Variants in VPS33A observed in about 807,000 individuals in gnomAD.
VPS33A encodes the protein VPS33A core subunit of CORVET and HOPS complexes.
In VPS33A, 32 loss-of-function variants were observed where a neutral mutation model predicts 71.8. The ratio of observed to expected loss-of-function variants is 0.45; its 90% CI spans 0.34 to 0.60. The LOEUF (loss-of-function observed/expected upper bound fraction) is 0.60. Ranked by LOEUF, VPS33A falls within the 20% of genes least tolerant of loss-of-function variation. VPS33A has a pLI of 0.02. For missense variants in VPS33A, 625 were observed against 748.5 expected (o/e 0.84, Z 1.92); for synonymous variants, 311 against 292.7 (o/e 1.06, Z -0.64).
rs1954539344 is a variant in VPS33A, at chr12:122,230,058, T to C, written c.*2188A>G. ...TGATGACTGCCTGAGGTGGAAGGTA[T>C]AAACTAATCTCCCTGGGATATAACA... is the stretch of plus-strand genomic sequence containing the variant. On this transcript the variant is annotated 3_prime_UTR_variant, in exon 13 of 13. Transcript: ENST00000267199. 6.6e-6 allele frequency: 1 copy of C among 152,206 alleles called. No homozygotes were observed. The highest frequency in any genetic ancestry group is 6.5e-5 in the Admixed American group (1 of 15,270). The allele number at this position is 152,206 out of a possible 1,614,324, so 9.4% of individuals were successfully genotyped here.
rs754869301 is a variant in VPS33A at position 122,235,769 on chromosome 12, G to A, written c.1440+17C>T. The A allele has an allele frequency of 1.2e-6, 2 of 1,604,812 alleles. No homozygotes were observed. Among genetic ancestry groups the A allele is most frequent in the African/African-American group, 1.3e-5 (1 of 74,818 alleles). ...ACCAGTCCCTAAGCTGAGACGAGGT[G>A]GAGAAGTGTGGCTTACTTGCTCATT... On this transcript the variant is annotated intron_variant, in intron 11 of 12. Transcript: ENST00000267199.
intron 6 of VPS33A, among the ~76,000 whole-genome samples, chr12:122,245,694 C>A (rs1954768164): frequency 6.6e-6 from 1 of 152,184 alleles, no homozygotes; most frequent in Admixed American, 6.6e-5. Flanking sequence ...GAGCCACCCT[C>A]CTGGGCCTCC....
intron 11 of VPS33A, among the ~76,000 whole-genome samples, chr12:122,235,407 GGCAC>G (rs1287986089): frequency 6.6e-6 from 1 of 151,942 alleles, no homozygotes; most frequent in African/African-American, 2.4e-5. Context: ...TGGGATTACA[GGCAC>G]GCACCACAAT....
At position 122,234,651 on chromosome 12, in the gene VPS33A, C is replaced by T. The variant is rs918437825; in HGVS notation, c.1440+1135G>A. 2.6e-5 allele frequency among the ~76,000 whole-genome samples: 4 copies of T among 152,172 alleles called. No individual in the cohort carries two copies. In the South Asian group the frequency reaches 8.3e-4, roughly 32 times the overall value. ...ACTGACTCCTCTAGACACTCTCCAC[C>T]CTTCTCCGCAATGCTCTGTGCCCGG... On this transcript the variant is annotated intron_variant, in intron 11 of 12. Transcript: ENST00000267199.
intron 2 of VPS33A, among the ~76,000 whole-genome samples, 161 bp from the exon 3 acceptor site, chr12:122,263,860 T>C (rs2136154338): frequency 6.6e-6 from 1 of 152,278 alleles, no homozygotes; most frequent in South Asian, 2.1e-4. Context: ...AAAGTTTCAG[T>C]AGAAAGCCAC....
chr12:122,266,415 C>G lies in VPS33A; in HGVS notation c.-7G>C. 1 of 1,607,032 alleles carries G rather than the reference C, an allele frequency of 6.2e-7. No homozygotes were observed. The highest frequency in any genetic ancestry group is 8.5e-7 in the Non-Finnish European group (1 of 1,175,050). ...AGGACAGATGAGCCGCCATCTTGCTCCACCACCCCCTGCCCCACAACGCCA... is the reference window on the plus strand; with the variant it reads ...AGGACAGATGAGCCGCCATCTTGCTGCACCACCCCCTGCCCCACAACGCCA... On this transcript the variant is annotated 5_prime_UTR_variant, in exon 1 of 13. Transcript: ENST00000267199.
rs764065493 is a variant in VPS33A, at chr12:122,251,107, G to A, written c.484-8C>T. On this transcript the variant is annotated splice_polypyrimidine_tract_variant and splice_region_variant and intron_variant, in intron 4 of 12. Coordinates refer to ENST00000267199, the MANE Select transcript of VPS33A (RefSeq NM_022916.6). Reference sequence around the variant, plus strand: ...ACCCTCCAGGTAGCACTCCTGTGAGGGAAAAGGCCAATTATTGCCAGGCCA... The same window carrying A: ...ACCCTCCAGGTAGCACTCCTGTGAGAGAAAAGGCCAATTATTGCCAGGCCA... The A allele has an allele frequency of 1.2e-6, 2 of 1,608,666 alleles. No homozygotes were observed. The highest frequency in any genetic ancestry group is 2.7e-5 in the African/African-American group (2 of 74,838).
chr12:122,239,627 G>C (rs754009989), intron 9 of VPS33A, among the ~76,000 whole-genome samples: 1 of 151,750 alleles, frequency 6.6e-6, no homozygotes, highest in Non-Finnish European at 1.5e-5. Flanking sequence ...CCAGCTACTC[G>C]GGAGGCTGAG....
intron 7 of VPS33A, among the ~76,000 whole-genome samples, chr12:122,244,223 A>T (rs562213916): frequency 6.6e-5 from 10 of 152,288 alleles, no homozygotes; most frequent in Non-Finnish European, 4.4e-5. Context: ...CACAAGTTCT[A>T]TTATAGAGGA....
At chr12:122,253,907 G>GA (rs1362726807) in intron 4 of VPS33A, among the ~76,000 whole-genome samples, 1 of 151,932 alleles carries the variant, frequency 6.6e-6, no homozygotes, top group East Asian at 1.9e-4. Flanking sequence ...CCACGTTGCC[G>GA]AGGCTGGTCT....
At chr12:122,245,984 G>A (rs569691029) in intron 6 of VPS33A, among the ~76,000 whole-genome samples, 3 of 152,264 alleles carry the variant, frequency 2.0e-5, no homozygotes, top group Admixed American at 6.5e-5. Flanking sequence ...CTTCCTCTGC[G>A]AAGTAGCCTT....
chr12:122,237,563 G>A (rs1012578743), intron 10 of VPS33A, among the ~76,000 whole-genome samples: 1 of 136,528 alleles, frequency 7.3e-6, no homozygotes, highest in Non-Finnish European at 1.5e-5. Flanking sequence ...TTGAGACGGA[G>A]TCTCGCTCTG....
Position 122,244,128 on chromosome 12 carries a change from G to C in VPS33A, c.969+441C>G, listed in dbSNP as rs545798750. Reference sequence around the variant, plus strand: ...AATTTCAAAGCTCGGGGTTGCTGGGGATTTCAGTCTCATTATCACCTGCCA... The same window carrying C: ...AATTTCAAAGCTCGGGGTTGCTGGGCATTTCAGTCTCATTATCACCTGCCA... On this transcript the variant is annotated intron_variant, in intron 7 of 12. Transcript: ENST00000267199. Among the ~76,000 whole-genome samples the C allele has an allele frequency of 2.6e-5, 4 of 152,244 alleles. No individual in the cohort carries two copies. In the South Asian group the frequency reaches 8.3e-4, roughly 32 times the overall value.
chr12:122,257,015 A>G (rs1954928159), intron 4 of VPS33A, among the ~76,000 whole-genome samples: 3 of 152,290 alleles, frequency 2.0e-5, no homozygotes, highest in Middle Eastern at 6.8e-3. Context: ...TACTTGTACA[A>G]AAGTGGGGAG....
intron 2 of VPS33A, 96 bp downstream of exon 2, chr12:122,264,038 G>T: frequency 8.8e-7 from 1 of 1,133,012 alleles, no homozygotes; most frequent in Non-Finnish European, 1.2e-6. Flanking sequence ...AAACAGCTTT[G>T]CAAACCAATG....
rs779315624 is a variant in VPS33A at position 122,261,346 on chromosome 12, G to A, written c.398C>T (p.Ser133Phe). The change falls in exon 4 of 13, where the codon TCC (serine) becomes TTC (phenylalanine). Residue 133 changes from serine to phenylalanine, a missense_variant. Physicochemically the swap from Ser to Phe is radical, Grantham distance 155. Coordinates refer to ENST00000267199, the MANE Select transcript of VPS33A (RefSeq NM_022916.6). The part of the protein sequence containing the change: ...QRLKDLGVLG[S>F]FIHREEYSLD... ...GCTGTACTCCTCCCTGTGAATAAAG[G>A]ATCCCAAGACACCCAGATCCTTCAA... 1.2e-6 allele frequency: 2 copies of A among 1,613,934 alleles called. No individual in the cohort carries two copies. The highest frequency in any genetic ancestry group is 1.7e-6 in the Non-Finnish European group (2 of 1,179,974).
In VPS33A at chr12:122,232,788, A is replaced by G. The variant is rs756081838; in HGVS notation, c.1609+12T>C. The G allele has an allele frequency of 6.2e-7, 1 of 1,607,992 alleles. No homozygotes were observed. Among genetic ancestry groups the G allele is most frequent in the African/African-American group, 1.3e-5 (1 of 74,764 alleles). ...GTACATAATTATCTGTAGATGCTGG[A>G]CTGGGACTTACGTTTCTTCTGCAGT... On this transcript the variant is annotated intron_variant, in intron 12 of 12. Transcript: ENST00000267199.
chr12:122,244,885 C>T (rs1240982113), intron 6 of VPS33A, 123 bp from the exon 7 acceptor site: 1 of 898,908 alleles, frequency 1.1e-6, no homozygotes, highest in African/African-American at 1.7e-5. Context: ...CGACACATAG[C>T]TCTGAGCTTT....
rs371038955 is a variant in VPS33A, at chr12:122,249,853, C to G, written c.775+18G>C. 1.9e-6 allele frequency: 3 copies of G among 1,600,680 alleles called. No individual in the cohort carries two copies. The highest frequency in any genetic ancestry group is 2.2e-5 in the East Asian group (1 of 44,606). ...TTCTCATATTACCTATTAGTGAAAA[C>G]AGATGTCATGTACTTACTGTTCTGA... On this transcript the variant is annotated intron_variant, in intron 6 of 12. Coordinates refer to ENST00000267199, the MANE Select transcript of VPS33A (RefSeq NM_022916.6).
Sources: gnomAD v4.1 joint callset for allele counts (sites outside exome capture counted in the v4.1 genomes callset) on GRCh38, gnomAD v4.1.1 for gene constraint, MANE v1.5 for transcripts, NCBI Gene and HGNC (gene_info 2026-07-23, HGNC 2026-07-21) for gene names.